Variants in PCDHGB2 observed in about 807,000 individuals in gnomAD.
PCDHGB2 encodes protocadherin gamma subfamily B, 2.
Under a neutral mutation model 59.3 loss-of-function variants are expected in PCDHGB2, and 55 were observed. That is an observed-to-expected ratio of 0.93 (90% confidence interval 0.75 to 1.16). PCDHGB2 has a LOEUF of 1.16. Among genes scored for constraint, PCDHGB2 ranks in the 50% most tolerant of loss-of-function variants. PCDHGB2 has a pLI of 0.00. For missense variants in PCDHGB2, 1,228 were observed against 1,198.5 expected (o/e 1.02, Z -0.36); for synonymous variants, 516 against 512.0 (o/e 1.01, Z -0.11).
intron 1 of PCDHGB2, among the ~76,000 whole-genome samples, chr5:141,464,748 T>A (rs995568259): frequency 2.0e-5 from 3 of 152,190 alleles, no homozygotes; most frequent in Admixed American, 2.0e-4. Flanking sequence ...TATCTTTTTG[T>A]TTTTTTAGAG....
intron 1 of PCDHGB2, chr5:141,365,772 G>T (rs373332121): frequency 1.1e-5 from 18 of 1,613,758 alleles, no homozygotes; most frequent in Admixed American, 3.3e-5. Flanking sequence ...GACCCCGACA[G>T]CGGCGACAAC....
At chr5:141,385,189 C>T (rs368141492) in intron 1 of PCDHGB2, 2 of 1,614,222 alleles carry the variant, frequency 1.2e-6, no homozygotes, top group Non-Finnish European at 1.7e-6. Context: ...CGCGGACTCT[C>T]GGAAGAGTCA....
rs1432960207 is a variant in PCDHGB2, at chr5:141,477,648, C to A, written c.2422-17159C>A. On this transcript the variant is annotated intron_variant, in intron 1 of 3. Coordinates refer to ENST00000522605, the MANE Select transcript of PCDHGB2 (RefSeq NM_018923.3). This position sits in a 1 kb window ranked among gnomAD's most constrained non-coding sequence, Gnocchi z 4.9. ...ACCGGGCTAGTGGGTCGCTATTTCA[C>A]AATAAATCGTGACAATGGCATAGTG... is the stretch of plus-strand genomic sequence containing the variant. 7 of 1,614,046 alleles carry A rather than the reference C, an allele frequency of 4.3e-6. No homozygotes were observed. Among genetic ancestry groups the A allele is most frequent in the Non-Finnish European group, 5.9e-6 (7 of 1,180,044 alleles).
intron 1 of PCDHGB2, among the ~76,000 whole-genome samples, chr5:141,402,017 A>G (rs1052839882): frequency 2.0e-5 from 3 of 152,210 alleles, no homozygotes; most frequent in African/African-American, 7.2e-5. Flanking sequence ...ATGCATTTGA[A>G]TCATTGAAAC....
At chr5:141,469,468 G>A (rs62379200) in intron 1 of PCDHGB2, among the ~76,000 whole-genome samples, 32,669 of 151,998 alleles carry the variant, frequency 0.21, 3,638 homozygotes, top group African/African-American at 0.27. Context: ...TCAGCTACTC[G>A]GGAGGCTGAG....
chr5:141,442,534 GA>G (rs1156284172), intron 1 of PCDHGB2: 1 of 152,222 alleles, frequency 6.6e-6, no homozygotes, highest in Non-Finnish European at 1.5e-5. Context: ...TCTCCAAGGT[GA>G]AAAATTCTTG....
chr5:141,396,923 G>A (rs6886638), intron 1 of PCDHGB2, among the ~76,000 whole-genome samples: 45,883 of 152,076 alleles, frequency 0.3, 8,183 homozygotes, highest in African/African-American at 0.5. Context: ...TTAAAAACTC[G>A]GATGAAAGTT....
At chr5:141,460,546 C>A (rs182506898) in intron 1 of PCDHGB2, among the ~76,000 whole-genome samples, 51 of 152,152 alleles carry the variant, frequency 3.4e-4, no homozygotes, top group African/African-American at 1.1e-3. Context: ...GCACCTTAAT[C>A]AAAAATCATT....
chr5:141,447,225 C>T (rs966197293), intron 1 of PCDHGB2, among the ~76,000 whole-genome samples: 9 of 151,960 alleles, frequency 5.9e-5, no homozygotes, highest in African/African-American at 7.3e-5. Flanking sequence ...CTGCAACCTC[C>T]GCCTCCCGGG....
rs999687684 is a variant in PCDHGB2, at chr5:141,431,598, C to T, written c.2422-63209C>T. 1 of 1,614,192 alleles carries T rather than the reference C, an allele frequency of 6.2e-7. No homozygotes were observed. The highest frequency in any genetic ancestry group is 8.5e-7 in the Non-Finnish European group (1 of 1,180,046). ...GGAGTCAATGCGGAAGTGAGGTATT[C>T]CTTCCGGTATGTGGACGACAAGGCG... is the stretch of plus-strand genomic sequence containing the variant. On this transcript the variant is annotated intron_variant, in intron 1 of 3. Coordinates refer to ENST00000522605, the MANE Select transcript of PCDHGB2 (RefSeq NM_018923.3). This position sits in a 1 kb window ranked among gnomAD's most constrained non-coding sequence, Gnocchi z 4.8.
chr5:141,420,975 G>A, intron 1 of PCDHGB2: 2 of 458,946 alleles, frequency 4.4e-6, no homozygotes, highest in South Asian at 4.2e-5. Context: ...TAATAAGAAT[G>A]GGCTCTAGGC....
At position 141,392,616 on chromosome 5, in the gene PCDHGB2, G is replaced by A. The variant is rs912385052; in HGVS notation, c.2421+30060G>A. 8 of 535,918 alleles carry A rather than the reference G, an allele frequency of 1.5e-5. No individual in the cohort carries two copies. In the South Asian group the frequency reaches 2.7e-4, roughly 18 times the overall value. The allele number at this position is 535,918 out of a possible 1,614,324, so 33.2% of individuals were successfully genotyped here. ...CACCTACTGGAAGACAAATGCAACC[G>A]AAAACACTCAGATCTCACACCTCAC... On this transcript the variant is annotated intron_variant, in intron 1 of 3. Transcript: ENST00000522605.
chr5:141,378,535 T>C (rs1235721694), intron 1 of PCDHGB2: 1 of 152,092 alleles, frequency 6.6e-6, no homozygotes, highest in Non-Finnish European at 1.5e-5. Context: ...AAAATAATAA[T>C]GATAATTAAT....
chr5:141,361,019 A>G lies in PCDHGB2; in HGVS notation c.884A>G (p.Asn295Ser), dbSNP rs753179923. 6.2e-7 allele frequency: 1 copy of G among 1,613,326 alleles called. No homozygotes were observed. Among genetic ancestry groups the G allele is most frequent in the East Asian group, 2.2e-5 (1 of 44,876 alleles). ...CAAGTGAAACACTTTTTCAACTTAA[A>G]TGAAAAAACAGGAGAAATCACGACA... ...DEQVKHFFNL[N>S]EKTGEITTKD... Residue 295 changes from asparagine to serine, a missense_variant, in exon 1 of 4, where the codon AAT (asparagine) becomes AGT (serine). Physicochemically the swap from Asn to Ser is conservative, Grantham distance 46. Coordinates refer to ENST00000522605, the MANE Select transcript of PCDHGB2 (RefSeq NM_018923.3).
At chr5:141,414,446 T>C in intron 1 of PCDHGB2, 1 of 1,613,864 alleles carries the variant, frequency 6.2e-7, no homozygotes, top group Non-Finnish European at 8.5e-7. Flanking sequence ...TCTTACAATA[T>C]CACAGTGACA....
intron 1 of PCDHGB2, chr5:141,371,391 G>A (rs1356149825): frequency 6.2e-7 from 1 of 1,614,004 alleles, no homozygotes; most frequent in Admixed American, 1.7e-5. Flanking sequence ...ATATTGTAAA[G>A]TACAGATAGA....
intron 1 of PCDHGB2, chr5:141,409,742 G>T (rs763304955): frequency 5.0e-6 from 8 of 1,612,988 alleles, no homozygotes; most frequent in African/African-American, 1.3e-5. Flanking sequence ...GAGCGGGGTG[G>T]TGTTCGCGCA....
At chr5:141,492,560 G>T (rs2099742000) in intron 1 of PCDHGB2, among the ~76,000 whole-genome samples, 1 of 152,156 alleles carries the variant, frequency 6.6e-6, no homozygotes, top group Non-Finnish European at 1.5e-5. Context: ...CCTGGGGGGC[G>T]GCCTGAGCGA....
chr5:141,383,192 A>T, intron 1 of PCDHGB2: 1 of 1,614,092 alleles, frequency 6.2e-7, no homozygotes, highest in Non-Finnish European at 8.5e-7. Context: ...ATCTGCGCTC[A>T]GAGTGCGCGG....
Sources: allele counts gnomAD v4.1 joint callset (sites outside exome capture counted in the v4.1 genomes callset), GRCh38; gene constraint gnomAD v4.1.1; non-coding constraint Gnocchi (gnomAD v3.1); transcripts MANE v1.5; gene names NCBI Gene and HGNC (gene_info 2026-07-23, HGNC 2026-07-21).